The following EPS15L1 variants were observed in gnomAD, a reference collection of about 807,000 sequenced individuals.
The protein encoded by EPS15L1 is epidermal growth factor receptor substrate 15-like 1.
EPS15L1 carries 43 observed loss-of-function variants against 117.1 expected under a neutral mutation model. The observed-to-expected ratio is 0.37, with a 90% CI of 0.29 to 0.47. The LOEUF (loss-of-function observed/expected upper bound fraction) is 0.47. EPS15L1 is among the 20% of genes least tolerant of loss of function. The probability of loss-of-function intolerance (pLI) is 0.99; values close to 1 mark genes in which losing one functional copy is unlikely to be tolerated. For missense variants in EPS15L1, 981 were observed against 1,164.0 expected, an observed-to-expected ratio of 0.84 and a Z score of 2.29; for synonymous variants, 459 against 470.5, an observed-to-expected ratio of 0.98 and a Z score of 0.32.
At chr19:16,388,744 G>A (rs988272226) in intron 19 of EPS15L1, among the ~76,000 whole-genome samples, 5 of 151,884 alleles carry the variant, frequency 3.3e-5, no homozygotes, top group South Asian at 2.1e-4. Context: ...GGAGAATGGC[G>A]TGAACCCGGG....
At chr19:16,431,448 A>G (rs1442688401) in intron 7 of EPS15L1, among the ~76,000 whole-genome samples, 8 of 151,016 alleles carry the variant, frequency 5.3e-5, no homozygotes, top group South Asian at 2.1e-4. Flanking sequence ...GGACTACATG[A>G]GTGTGCCACC....
At chr19:16,445,628 T>G (rs765272349) in intron 1 of EPS15L1, among the ~76,000 whole-genome samples, 2 of 152,204 alleles carry the variant, frequency 1.3e-5, no homozygotes, top group Non-Finnish European at 2.9e-5. Flanking sequence ...CCAGGCAGTC[T>G]GTCACTGGCC....
At chr19:16,448,011 T>A (rs2093100998) in intron 1 of EPS15L1, among the ~76,000 whole-genome samples, 1 of 152,146 alleles carries the variant, frequency 6.6e-6, no homozygotes, top group African/African-American at 2.4e-5. Context: ...AAGGAAAGCC[T>A]TTCCACAAAG....
At chr19:16,361,603 A>G in intron 23 of EPS15L1, 176 bp downstream of exon 23, 1 of 1,325,226 alleles carries the variant, frequency 7.5e-7, no homozygotes, top group Non-Finnish European at 9.6e-7. Context: ...TTTTATTGAG[A>G]AACTGTTTTT....
chr19:16,398,106 C>A (rs1386010072), intron 16 of EPS15L1, among the ~76,000 whole-genome samples: 1 of 152,168 alleles, frequency 6.6e-6, no homozygotes, highest in African/African-American at 2.4e-5. Flanking sequence ...TGCCACCACC[C>A]TGGGGCAGCC....
rs199926532 is a variant in EPS15L1 at position 16,425,216 on chromosome 19, G to A, written c.659C>T (p.Pro220Leu). The A allele has an allele frequency of 3.9e-5, 62 of 1,604,580 alleles. 1 individual carries two copies. The East Asian group carries it at 1.3e-3, about 35-fold the overall frequency. The change falls in exon 9 of 24, where the codon CCT (proline) becomes CTT (leucine). Residue 220 changes from proline to leucine, a missense_variant. Pro to Leu is a moderately conservative substitution (Grantham distance 98). Around this residue, in one of 5 missense-constraint regions of EPS15L1, gnomAD observed 819 missense variants for 949.0 expected, o/e 0.86. Coordinates refer to ENST00000455140, the MANE Select transcript of EPS15L1 (RefSeq NM_001258374.3). ...GGCAGGCAGGACGGGGACGGCGCCA[G>A]GGAACACAGTCTTCTTTCTCTTGGA... ...PPSKRKKTVF[P>L]GAVPVLPASP... is the part of the protein sequence containing the mutation.
chr19:16,459,627 A>G (rs1456829289), intron 1 of EPS15L1, among the ~76,000 whole-genome samples: 1 of 152,216 alleles, frequency 6.6e-6, no homozygotes, highest in Non-Finnish European at 1.5e-5. Flanking sequence ...GAGAATAGAC[A>G]GCACCTGGCC....
At chr19:16,442,272 A>C in intron 1 of EPS15L1, 53 bp from the exon 2 acceptor site, 3 of 1,525,334 alleles carry the variant, frequency 2.0e-6, no homozygotes, top group South Asian at 1.1e-5. Flanking sequence ...CCCTTGGGGA[A>C]AAAAAGGGTT....
rs577995423 is a variant in EPS15L1, at chr19:16,410,200, G to A, written c.1266+3573C>T. Among the ~76,000 whole-genome samples, 153 of 152,040 alleles carry A rather than the reference G, an allele frequency of 1.0e-3. 3 individuals are homozygous for A. In the South Asian group the frequency reaches 0.031, roughly 31 times the overall value. ...AATTTTTTCAATATAAAAGGGCAAG[G>A]AATCGGAATGATTTTTCTCCAATGA... On this transcript the variant is annotated intron_variant, in intron 13 of 23. Coordinates refer to ENST00000455140, the MANE Select transcript of EPS15L1 (RefSeq NM_001258374.3).
At chr19:16,431,130 T>C (rs2092923233) in intron 7 of EPS15L1, among the ~76,000 whole-genome samples, 1 of 151,618 alleles carries the variant, frequency 6.6e-6, no homozygotes, top group Admixed American at 6.6e-5. Context: ...TCCCAGCTAC[T>C]TGGGAGGCTG....
chr19:16,455,181 G>A (rs568924542), intron 1 of EPS15L1, among the ~76,000 whole-genome samples: 14 of 152,092 alleles, frequency 9.2e-5, no homozygotes, highest in African/African-American at 2.2e-4. Context: ...GCAGTGGCAC[G>A]ACCATAGCTC....
chr19:16,428,875 CAG>C, intron 7 of EPS15L1, 114 bp from the exon 8 acceptor site: 1 of 765,188 alleles, frequency 1.3e-6, no homozygotes, highest in East Asian at 2.7e-5. Context: ...CAGGAGACGG[CAG>C]TCAATATACA....
intron 23 of EPS15L1, 66 bp from the exon 24 acceptor site, chr19:16,355,917 G>A (rs2091973607): frequency 1.3e-6 from 2 of 1,510,084 alleles, no homozygotes; most frequent in Non-Finnish European, 1.8e-6. Flanking sequence ...CTGGAGGGAG[G>A]CAGGGAATGC....
intron 22 of EPS15L1, 142 bp downstream of exon 22, chr19:16,376,980 G>A: frequency 1.8e-6 from 2 of 1,092,186 alleles, no homozygotes; most frequent in African/African-American, 3.2e-5. Context: ...GACCTGGGCA[G>A]CTGGGCCGGG....
At chr19:16,469,469 A>G (rs2093330211) in intron 1 of EPS15L1, among the ~76,000 whole-genome samples, 3 of 152,108 alleles carry the variant, frequency 2.0e-5, no homozygotes, top group African/African-American at 7.2e-5. Context: ...TTTGGAAAGC[A>G]GAAGAGAGCT....
chr19:16,378,593 G>C (rs1238368118), intron 21 of EPS15L1, among the ~76,000 whole-genome samples: 1 of 152,030 alleles, frequency 6.6e-6, no homozygotes, highest in Non-Finnish European at 1.5e-5. Flanking sequence ...CTCCCACCTG[G>C]AGGGCAAGCA....
chr19:16,434,488 C>T lies in EPS15L1; in HGVS notation c.375G>A (p.Val125=). ...TCCCATCAAATTTGGCCTTTTCTTC[C>T]ACCTAGTTGGAAAGAAATAGCCCGA... is the stretch of plus-strand genomic sequence containing the variant. ...PSAEAHWAVR[V]EEKAKFDGIF... The change falls in exon 7 of 24, where the codon GTG becomes GTA. Residue 125 remains valine, a splice_region_variant and synonymous_variant. Coordinates refer to ENST00000455140, the MANE Select transcript of EPS15L1 (RefSeq NM_001258374.3). 4 of 1,613,418 alleles carry T rather than the reference C, an allele frequency of 2.5e-6. No homozygotes were observed. The highest frequency in any genetic ancestry group is 2.2e-5 in the South Asian group (2 of 90,998).
chr19:16,429,190 G>A (rs1212233034), intron 7 of EPS15L1, among the ~76,000 whole-genome samples: 1 of 152,062 alleles, frequency 6.6e-6, no homozygotes, highest in African/African-American at 2.4e-5. Flanking sequence ...GCTCATGTCT[G>A]AGCAGGTCTG....
intron 19 of EPS15L1, among the ~76,000 whole-genome samples, chr19:16,391,681 G>A (rs1275131605): frequency 1.4e-5 from 2 of 141,190 alleles, no homozygotes; most frequent in African/African-American, 5.4e-5. Flanking sequence ...CCAATCTCTT[G>A]GGCATAATAT....
Sources: gnomAD v4.1 joint callset for allele counts (sites outside exome capture counted in the v4.1 genomes callset) on GRCh38, gnomAD v4.1.1 for gene constraint, gnomAD v4.1.1 regional missense constraint, MANE v1.5 for transcripts, NCBI Gene and HGNC (gene_info 2026-07-23, HGNC 2026-07-21) for gene names.